The following GRIA3 variants were observed in gnomAD, a reference collection of about 807,000 sequenced individuals.
GRIA3 encodes glutamate receptor 3.
GRIA3 carries 3 observed loss-of-function variants against 63.0 expected under a neutral mutation model. That is an observed-to-expected ratio of 0.05 (90% CI 0.02 to 0.12). The LOEUF (loss-of-function observed/expected upper bound fraction) is 0.12, where lower values mean the gene tolerates loss of function less well. GRIA3 is among the 10% of genes least tolerant of loss of function. The probability of loss-of-function intolerance (pLI) is 1.00; values close to 1 mark genes in which losing one functional copy is unlikely to be tolerated. For synonymous variants in GRIA3, 274 were observed against 257.9 expected (o/e 1.06, Z -0.60); for missense variants, 347 against 700.9 (o/e 0.50, Z 5.70).
At chrX:123,247,311 T>G (rs1317717882) in intron 2 of GRIA3, among the ~76,000 whole-genome samples, 2 of 111,688 alleles carry the variant, frequency 1.8e-5, no homozygotes, top group Non-Finnish European at 3.8e-5. Context: ...AATGATGCCT[T>G]TTGGAATATG....
At chrX:123,423,244 A>G (rs1164171102) in intron 11 of GRIA3, among the ~76,000 whole-genome samples, 1 of 112,170 alleles carries the variant, frequency 8.9e-6, no homozygotes, top group Non-Finnish European at 1.9e-5. Context: ...TTTTCAAGAT[A>G]TGAAGTACTT....
chrX:123,259,115 C>A (rs2044435504), intron 3 of GRIA3, among the ~76,000 whole-genome samples: 1 of 111,812 alleles, frequency 8.9e-6, no homozygotes, highest in South Asian at 3.7e-4. Context: ...AGAGCAAGAA[C>A]CCTGTGAAAA....
At chrX:123,354,658 G>A (rs1334688773) in intron 4 of GRIA3, among the ~76,000 whole-genome samples, 1 of 111,556 alleles carries the variant, frequency 9.0e-6, no homozygotes, top group Non-Finnish European at 1.9e-5. Flanking sequence ...TATTTTAAGT[G>A]ACAGTGATGC....
intron 11 of GRIA3, among the ~76,000 whole-genome samples, chrX:123,427,295 G>T (rs1209510339): frequency 1.8e-5 from 2 of 111,366 alleles, no homozygotes; most frequent in Admixed American, 1.9e-4. Context: ...TTCAACCTTG[G>T]TTGCACTTTG....
chrX:123,377,874 G>A (rs1339269343), intron 5 of GRIA3, among the ~76,000 whole-genome samples: 2 of 111,811 alleles, frequency 1.8e-5, no homozygotes, highest in Non-Finnish European at 3.8e-5. Context: ...TACTGTGGGT[G>A]TCTTGCATGA....
At chrX:123,381,136 T>C (rs2045321975) in intron 5 of GRIA3, among the ~76,000 whole-genome samples, 2 of 112,116 alleles carry the variant, frequency 1.8e-5, no homozygotes, top group South Asian at 3.7e-4. Context: ...ATCTCTTTTA[T>C]GTTAGTGTCT....
At chrX:123,190,790 T>C (rs1927412020) in intron 2 of GRIA3, among the ~76,000 whole-genome samples, 1 of 112,069 alleles carries the variant, frequency 8.9e-6, no homozygotes, top group Non-Finnish European at 1.9e-5. Flanking sequence ...TGCATTTCCC[T>C]CCCTAGTCCC....
chrX:123,326,939 AT>A (rs747741887), intron 4 of GRIA3, among the ~76,000 whole-genome samples: 129 of 108,559 alleles, frequency 1.2e-3, no homozygotes, highest in African/African-American at 4.0e-3. Context: ...TAAAATAACA[AT>A]TTTTTTTGAG....
chrX:123,332,761 G>A (rs1043025679), intron 4 of GRIA3, among the ~76,000 whole-genome samples: 6 of 111,695 alleles, frequency 5.4e-5, no homozygotes, highest in African/African-American at 2.0e-4. Flanking sequence ...GGATACAGAA[G>A]TAAATTACTC....
intron 5 of GRIA3, among the ~76,000 whole-genome samples, chrX:123,380,194 T>A (rs745882233): frequency 3.7e-4 from 41 of 111,505 alleles, no homozygotes; most frequent in African/African-American, 1.3e-3. Context: ...GTATTTCTAG[T>A]TCTAGATCCC....
intron 3 of GRIA3, among the ~76,000 whole-genome samples, chrX:123,300,207 C>G (rs2044713121): frequency 9.1e-6 from 1 of 109,583 alleles, no homozygotes; most frequent in Non-Finnish European, 1.9e-5. Flanking sequence ...TGTGTCGTTA[C>G]CAGGATTTGG....
intron 2 of GRIA3, among the ~76,000 whole-genome samples, chrX:123,202,957 C>A (rs185615254): frequency 8.1e-4 from 91 of 112,256 alleles, no homozygotes; most frequent in African/African-American, 2.8e-3. Flanking sequence ...ACATATGGAA[C>A]CCCTTAGCCC....
intron 5 of GRIA3, among the ~76,000 whole-genome samples, chrX:123,379,550 C>T (rs916121310): frequency 5.6e-5 from 6 of 107,652 alleles, no homozygotes; most frequent in African/African-American, 1.4e-4. Context: ...TTAAATCTGT[C>T]GCTAAACTCA....
chrX:123,289,684 C>A (rs968132406), intron 3 of GRIA3, among the ~76,000 whole-genome samples: 1 of 109,757 alleles, frequency 9.1e-6, no homozygotes, highest in Non-Finnish European at 1.9e-5. Context: ...CCCTTTCCTG[C>A]GTCTTCATGT....
chrX:123,266,694 A>G (rs1382606683), intron 3 of GRIA3, among the ~76,000 whole-genome samples: 1 of 111,282 alleles, frequency 9.0e-6, no homozygotes, highest in Non-Finnish European at 1.9e-5. Context: ...TCATGATCCA[A>G]CAAAACTCCA....
chrX:123,476,517 A>G (rs2045887934), intron 13 of GRIA3, among the ~76,000 whole-genome samples: 1 of 111,738 alleles, frequency 8.9e-6, no homozygotes, highest in African/African-American at 3.3e-5. Context: ...CCACAGCAAC[A>G]TAGAGTTCTA....
chrX:123,398,407 G>T (rs1335479723), intron 6 of GRIA3, among the ~76,000 whole-genome samples: 1 of 111,724 alleles, frequency 9.0e-6, no homozygotes, highest in African/African-American at 3.3e-5. Context: ...GCAAGAGAGA[G>T]ATTGCCTTGA....
At chrX:123,485,060 G>A (rs1569443667) in intron 15 of GRIA3, among the ~76,000 whole-genome samples, 1 of 112,416 alleles carries the variant, frequency 8.9e-6, no homozygotes, top group Non-Finnish European at 1.9e-5. Context: ...ATGTTTCAAT[G>A]TGCTTAAAAT....
intron 2 of GRIA3, among the ~76,000 whole-genome samples, chrX:123,210,004 G>GTTT (rs1927998858): frequency 9.3e-6 from 1 of 107,712 alleles, no homozygotes; most frequent in African/African-American, 3.4e-5. Flanking sequence ...TTTGTTTGTT[G>GTTT]GTTGGTTTGT....
Sources: allele counts gnomAD v4.1 joint callset (sites outside exome capture counted in the v4.1 genomes callset), GRCh38; gene constraint gnomAD v4.1.1; transcripts MANE v1.5; gene names NCBI Gene and HGNC (gene_info 2026-07-23, HGNC 2026-07-21).